Variants in DNER observed in about 807,000 individuals in gnomAD.
DNER encodes delta and Notch-like epidermal growth factor-related receptor.
In DNER, 33 loss-of-function variants were observed where a neutral mutation model predicts 78.2. The ratio of observed to expected loss-of-function variants is 0.42; its 90% CI spans 0.32 to 0.56. DNER has a LOEUF of 0.56. Ranked by LOEUF, DNER falls within the 20% of genes least tolerant of loss-of-function variation. The probability of loss-of-function intolerance (pLI) is 0.11; values close to 1 mark genes in which losing one functional copy is unlikely to be tolerated. For missense variants in DNER, 918 were observed against 975.3 expected, an observed-to-expected ratio of 0.94 and a Z score of 0.78; for synonymous variants, 417 against 384.8, an observed-to-expected ratio of 1.08 and a Z score of -0.98.
At chr2:229,430,095 G>C (rs1322668026) in intron 8 of DNER, among the ~76,000 whole-genome samples, 1 of 152,144 alleles carries the variant, frequency 6.6e-6, no homozygotes, top group Non-Finnish European at 1.5e-5. Flanking sequence ...ATACAGAAGA[G>C]TTCTTTTCTT....
chr2:229,667,753 T>C (rs13400996), intron 1 of DNER, among the ~76,000 whole-genome samples: 31,424 of 152,142 alleles, frequency 0.21, 5,624 homozygotes, highest in African/African-American at 0.49. Flanking sequence ...GTTTCAACAA[T>C]AAAACCATGT....
At chr2:229,446,293 G>A (rs1396330052) in intron 8 of DNER, among the ~76,000 whole-genome samples, 1 of 152,190 alleles carries the variant, frequency 6.6e-6, no homozygotes, top group African/African-American at 2.4e-5. Context: ...GTTCCTCCCA[G>A]CCCTAAGGAG....
chr2:229,542,486 C>T (rs1028071783), intron 5 of DNER, among the ~76,000 whole-genome samples: 3 of 151,796 alleles, frequency 2.0e-5, no homozygotes, highest in African/African-American at 2.4e-5. Context: ...CAAATGAAAG[C>T]GGGGTGGAAA....
At chr2:229,675,136 T>C (rs1699280631) in intron 1 of DNER, among the ~76,000 whole-genome samples, 1 of 152,114 alleles carries the variant, frequency 6.6e-6, no homozygotes. Flanking sequence ...AGTTTGAAAA[T>C]ACTCTGAAGA....
chr2:229,458,667 A>G (rs997584881), intron 7 of DNER, among the ~76,000 whole-genome samples: 1 of 151,922 alleles, frequency 6.6e-6, no homozygotes, highest in African/African-American at 2.4e-5. Context: ...GGCTAATATC[A>G]TACTCAATGA....
chr2:229,583,818 C>A (rs1697445246), intron 4 of DNER, among the ~76,000 whole-genome samples: 1 of 152,140 alleles, frequency 6.6e-6, no homozygotes, highest in Admixed American at 6.5e-5. Context: ...CTTTATCACA[C>A]AATTTCTGAT....
rs201908891 is a variant in DNER at position 229,418,151 on chromosome 2, G to A, written c.1566C>T (p.Asp522=). 2 of 1,614,150 alleles carry A rather than the reference G, an allele frequency of 1.2e-6. No individual in the cohort carries two copies. Among genetic ancestry groups the A allele is most frequent in the African/African-American group, 1.3e-5 (1 of 75,046 alleles). ...ACACACACTCATAGCCATTAACGAG[G>A]TCCCTGCAGGTGGCTGCATTCAGGC... ...APCLNAATCR[D]LVNGYECVCL... is the part of the protein sequence containing the mutation. The change falls in exon 9 of 13, where the codon GAC becomes GAT. Residue 522 remains aspartate, a synonymous_variant. Transcript: ENST00000341772.
chr2:229,376,493 AG>A (rs1692604176), intron 11 of DNER, among the ~76,000 whole-genome samples: 1 of 152,214 alleles, frequency 6.6e-6, no homozygotes, highest in Admixed American at 6.5e-5. Context: ...GTGCATATAT[AG>A]AATATTCATT....
chr2:229,599,553 A>G (rs1697789044), intron 1 of DNER, among the ~76,000 whole-genome samples: 1 of 152,002 alleles, frequency 6.6e-6, no homozygotes, highest in African/African-American at 2.4e-5. Flanking sequence ...AACCAAAAAC[A>G]TTGCTAACAT....
intron 4 of DNER, among the ~76,000 whole-genome samples, chr2:229,563,980 T>TCATCATCCTCATCCCATCAC: frequency 8.7e-6 from 1 of 115,304 alleles, no homozygotes; most frequent in African/African-American, 3.6e-5. Flanking sequence ...CCCATCACCA[T>TCATCATCCTCATCCCATCAC]CATCATCATC....
intron 8 of DNER, among the ~76,000 whole-genome samples, chr2:229,432,830 A>T (rs1202288401): frequency 6.6e-6 from 1 of 152,196 alleles, no homozygotes; most frequent in African/African-American, 2.4e-5. Flanking sequence ...AAAAGTATAC[A>T]ACGTCTCCCA....
At chr2:229,706,093 C>T (rs1170242025) in intron 1 of DNER, among the ~76,000 whole-genome samples, 2 of 151,998 alleles carry the variant, frequency 1.3e-5, no homozygotes, top group African/African-American at 2.4e-5. Context: ...GTAGAGGTAG[C>T]CATCAAGAGG....
chr2:229,596,430 C>T (rs75699572), intron 1 of DNER, among the ~76,000 whole-genome samples: 1 of 152,348 alleles, frequency 6.6e-6, no homozygotes, highest in Admixed American at 6.5e-5. Context: ...CCAGCACAAC[C>T]TGCAGCCTCA....
intron 5 of DNER, among the ~76,000 whole-genome samples, chr2:229,544,078 G>GA (rs200365741): frequency 0.072 from 10,940 of 151,704 alleles, 1,222 homozygotes; most frequent in African/African-American, 0.24. Context: ...AATTAAAAAA[G>GA]AAAAAAAATA....
chr2:229,546,925 A>T lies in DNER; in HGVS notation c.993+22T>A, dbSNP rs778288937. On this transcript the variant is annotated intron_variant, in intron 5 of 12. Coordinates refer to ENST00000341772, the MANE Select transcript of DNER (RefSeq NM_139072.4). ...TATTCATGTAAATATGTGTATTTAC[A>T]AGCTACCAGGCATCCCCTTACCTCT... 4.3e-6 allele frequency: 7 copies of T among 1,613,852 alleles called. No homozygotes were observed. In the Admixed American group the frequency reaches 1.2e-4, roughly 27 times the overall value.
At chr2:229,668,207 A>G (rs2154216741) in intron 1 of DNER, among the ~76,000 whole-genome samples, 1 of 152,102 alleles carries the variant, frequency 6.6e-6, no homozygotes, top group South Asian at 2.1e-4. Flanking sequence ...CAACTGTCTC[A>G]ACCTTCTAAT....
chr2:229,600,910 A>T lies in DNER; in HGVS notation c.277-9022T>A, dbSNP rs140715078. On this transcript the variant is annotated intron_variant, in intron 1 of 12. Coordinates refer to ENST00000341772, the MANE Select transcript of DNER (RefSeq NM_139072.4). Reference sequence around the variant, plus strand: ...GAGTGACTCTGTCTGCCAGTTGGAGAGGGGGACTACAGCAAAGATGACTCC... The same window carrying T: ...GAGTGACTCTGTCTGCCAGTTGGAGTGGGGGACTACAGCAAAGATGACTCC... Among the ~76,000 whole-genome samples, 12 of 152,272 alleles carry T rather than the reference A, an allele frequency of 7.9e-5. No homozygotes were observed. The East Asian group carries it at 1.9e-3, about 24-fold the overall frequency.
chr2:229,403,217 G>A (rs940307336), intron 10 of DNER, among the ~76,000 whole-genome samples: 13 of 152,154 alleles, frequency 8.5e-5, no homozygotes, highest in African/African-American at 3.1e-4. Flanking sequence ...AAGAGTATTT[G>A]ATTCCAAGGT....
intron 1 of DNER, among the ~76,000 whole-genome samples, chr2:229,604,100 A>C (rs1293727684): frequency 1.3e-5 from 2 of 152,210 alleles, no homozygotes; most frequent in African/African-American, 4.8e-5. Flanking sequence ...TAGAAGACAC[A>C]GAAAGCCAAT....
Sources: gnomAD v4.1 joint callset for allele counts (sites outside exome capture counted in the v4.1 genomes callset) on GRCh38, gnomAD v4.1.1 for gene constraint, MANE v1.5 for transcripts, NCBI Gene and HGNC (gene_info 2026-07-23, HGNC 2026-07-21) for gene names.